The following ALAS1 variants were observed in gnomAD, a reference collection of about 807,000 sequenced individuals.
ALAS1 encodes the protein 5-aminolevulinate synthase, non-specific, mitochondrial.
Under a neutral mutation model 59.6 loss-of-function variants are expected in ALAS1, and 29 were observed. The ratio of observed to expected loss-of-function variants is 0.49; its 90% CI spans 0.36 to 0.66. The LOEUF (loss-of-function observed/expected upper bound fraction) is 0.66. ALAS1 is among the 30% of genes least tolerant of loss of function. The probability of loss-of-function intolerance (pLI) is 0.00; values close to 1 mark genes in which losing one functional copy is unlikely to be tolerated. For synonymous variants in ALAS1, 299 were observed against 296.6 expected (o/e 1.01, Z -0.08); for missense variants, 690 against 807.5 (o/e 0.85, Z 1.76).
intron 3 of ALAS1, 36 bp from the exon 4 acceptor site, chr3:52,202,471 G>A (rs1425250105): frequency 6.5e-7 from 1 of 1,549,352 alleles, no homozygotes; most frequent in Admixed American, 1.7e-5. Flanking sequence ...TGTGCAACCA[G>A]ATCTGATGCT....
intron 9 of ALAS1, 55 bp from the exon 10 acceptor site, chr3:52,211,228 C>A: frequency 6.3e-7 from 1 of 1,588,026 alleles, no homozygotes; most frequent in Non-Finnish European, 8.6e-7. Context: ...CTTGCTGTGT[C>A]CATTTAGAGC....
chr3:52,214,178 T>G lies in ALAS1; in HGVS notation c.1921T>G (p.Ter641GlyextTer2), dbSNP rs781058627. 62 of 1,588,722 alleles carry G rather than the reference T, an allele frequency of 3.9e-5. No individual in the cohort carries two copies. In the East Asian group the frequency reaches 1.4e-3, roughly 36 times the overall value. The change falls in exon 12 of 12, where the codon TGA becomes GGA. Residue 641 changes from the stop codon to glycine, a stop_lost. Coordinates refer to ENST00000484952, the MANE Select transcript of ALAS1 (RefSeq NM_000688.6). ...GLSKLVSAQA[*>G] is the part of the protein sequence containing the mutation. ...GAGCAAGTTGGTATCTGCTCAGGCCTGAGCATGACCTCAATTATTTCACTT... is the reference window on the plus strand; with the variant it reads ...GAGCAAGTTGGTATCTGCTCAGGCCGGAGCATGACCTCAATTATTTCACTT...
chr3:52,198,965 T>TTA, intron 2 of ALAS1, 117 bp downstream of exon 2: 1 of 1,274,292 alleles, frequency 7.8e-7, no homozygotes, highest in Non-Finnish European at 1.1e-6. Flanking sequence ...CTGTCAGTAT[T>TTA]CATTTGGTGA....
Position 52,204,830 on chromosome 3 carries a change from C to T in ALAS1, c.715C>T (p.Leu239Phe). Residue 239 changes from leucine to phenylalanine, a missense_variant, in exon 6 of 12, where the codon CTC becomes TTC. Leu to Phe is a conservative substitution (Grantham distance 22, BLOSUM62 0). Transcript: ENST00000484952. ...FPMADDYSDS[L>F]ITKKQVSVWC... Reference sequence around the variant, plus strand: ...CATGGCAGATGACTATTCAGACTCCCTCATCACCAAAAAGCAAGTGTCAGT... The same window carrying T: ...CATGGCAGATGACTATTCAGACTCCTTCATCACCAAAAAGCAAGTGTCAGT... 5 of 1,614,216 alleles carry T rather than the reference C, an allele frequency of 3.1e-6. No homozygotes were observed. Among genetic ancestry groups the T allele is most frequent in the Non-Finnish European group, 4.2e-6 (5 of 1,180,030 alleles).
At chr3:52,211,605 G>A in intron 10 of ALAS1, 54 bp downstream of exon 10, 1 of 1,595,172 alleles carries the variant, frequency 6.3e-7, no homozygotes. Context: ...TACACATGAT[G>A]TACGGATGTT....
chr3:52,198,245 C>G lies in ALAS1; in HGVS notation c.-220C>G, dbSNP rs1577958014. ...CCTCCTTCGCCGCCGCCTCTGCAGT[C>G]CTCAGCGCAGGTGAGGGCCCGCGCG... On this transcript the variant is annotated 5_prime_UTR_variant, in exon 1 of 12. Coordinates refer to ENST00000484952, the MANE Select transcript of ALAS1 (RefSeq NM_000688.6). The G allele has an allele frequency of 2.5e-6, 1 of 400,820 alleles. No homozygotes were observed. The highest frequency in any genetic ancestry group is 4.4e-6 in the Non-Finnish European group (1 of 227,222). The allele number at this position is 400,820 out of a possible 1,614,324, so 24.8% of individuals were successfully genotyped here.
At chr3:52,209,059 A>AGGGCAGGCTTTTTAAAAAGCGT in intron 9 of ALAS1, among the ~76,000 whole-genome samples, 1 of 152,354 alleles carries the variant, frequency 6.6e-6, no homozygotes, top group Non-Finnish European at 1.5e-5. Context: ...TGGTAAAGGA[A>AGGGCAGGCTTTTTAAAAAGCGT]GGGCAGGCTT....
At chr3:52,202,462 G>C in intron 3 of ALAS1, 45 bp from the exon 4 acceptor site, 3 of 1,489,108 alleles carry the variant, frequency 2.0e-6, no homozygotes, top group Non-Finnish European at 2.8e-6. Flanking sequence ...CTTACATACT[G>C]TGCAACCAGA....
chr3:52,210,074 A>G (rs1699374604), intron 9 of ALAS1, among the ~76,000 whole-genome samples: 1 of 152,232 alleles, frequency 6.6e-6, no homozygotes, highest in Admixed American at 6.5e-5. Flanking sequence ...AATCAATCCT[A>G]ATGCATTAAT....
intron 5 of ALAS1, among the ~76,000 whole-genome samples, chr3:52,204,264 G>A (rs1271290434): frequency 6.6e-6 from 1 of 152,100 alleles, no homozygotes; most frequent in Non-Finnish European, 1.5e-5. Context: ...TGCATCTATA[G>A]TCCCAGCTAC....
At position 52,208,313 on chromosome 3, in the gene ALAS1, T is replaced by C. The variant is rs1041646470; in HGVS notation, c.1330+66T>C. On this transcript the variant is annotated intron_variant, in intron 9 of 11. Transcript: ENST00000484952. ...CCTAACAAGGCCAAGGACTAACTAG[T>C]CTAACTGGGATCAGGTGAGGAGACA... 1.5e-5 allele frequency: 23 copies of C among 1,569,212 alleles called. 1 individual carries two copies. The Middle Eastern group carries it at 6.7e-4, about 46-fold the overall frequency.
chr3:52,202,879 G>T, intron 4 of ALAS1, 145 bp downstream of exon 4: 3 of 780,824 alleles, frequency 3.8e-6, no homozygotes, highest in Non-Finnish European at 6.3e-6. Context: ...AGGTCTTCAA[G>T]ATAGACAGTC....
chr3:52,202,806 T>C (rs753583466), intron 4 of ALAS1, 72 bp downstream of exon 4: 12 of 1,412,266 alleles, frequency 8.5e-6, no homozygotes, highest in Non-Finnish European at 1.2e-5. Context: ...CTCAGATTTG[T>C]GTATGAGCTA....
rs1699284718 is a variant in ALAS1 at position 52,206,017 on chromosome 3, A to G, written c.979A>G (p.Met327Val). ...AACCCTCTTCACCCTGGCTAAGATG[A>G]TGCCAGGTAAGGAAGCCTGGCATGA... ...DSTLFTLAKM[M>V]PGCEIYSDSG... Residue 327 changes from methionine (M) to valine (V), a missense_variant, in exon 7 of 12, where the codon ATG becomes GTG. By Grantham distance (21) the Met-to-Val change is conservative. Transcript: ENST00000484952. 1 of 1,593,564 alleles carries G rather than the reference A, an allele frequency of 6.3e-7. No homozygotes were observed. Among genetic ancestry groups the G allele is most frequent in the Admixed American group, 1.8e-5 (1 of 57,132 alleles).
Position 52,206,767 on chromosome 3 carries a change from G to A in ALAS1, c.1165+16G>A, listed in dbSNP as rs920766482. On this transcript the variant is annotated intron_variant, in intron 8 of 11. Coordinates refer to ENST00000484952, the MANE Select transcript of ALAS1 (RefSeq NM_000688.6). ...TCAATGGATGGTAAGTGTGGATAGA[G>A]GTTCCTCTGAAACCTAAGATGAAAA... 6.2e-7 allele frequency: 1 copy of A among 1,609,570 alleles called. No individual in the cohort carries two copies. The highest frequency in any genetic ancestry group is 2.2e-5 in the East Asian group (1 of 44,802).
chr3:52,202,662 G>A lies in ALAS1; in HGVS notation c.355G>A (p.Gly119Ser), dbSNP rs1257072261. 1 of 1,614,254 alleles carries A rather than the reference G, an allele frequency of 6.2e-7. No individual in the cohort carries two copies. Among genetic ancestry groups the A allele is most frequent in the Non-Finnish European group, 8.5e-7 (1 of 1,180,046 alleles). ...PFLAAQMNQRGSSVFCKASLE... is the reference protein window; with the variant it reads ...PFLAAQMNQRSSSVFCKASLE... Reference sequence around the variant, plus strand: ...CCTGGCAGCACAGATGAATCAGAGAGGCAGCAGTGTCTTCTGCAAAGCCAG... The same window carrying A: ...CCTGGCAGCACAGATGAATCAGAGAAGCAGCAGTGTCTTCTGCAAAGCCAG... The change falls in exon 4 of 12, where the codon GGC (glycine) becomes AGC (serine). Residue 119 changes from glycine to serine, a missense_variant. Transcript: ENST00000484952.
intron 6 of ALAS1, 111 bp downstream of exon 6, chr3:52,205,026 A>G (rs1577965959): frequency 1.1e-6 from 1 of 877,332 alleles, no homozygotes; most frequent in Non-Finnish European, 1.8e-6. Flanking sequence ...AAAGTGTGCC[A>G]TAGCAAAATA....
intron 6 of ALAS1, among the ~76,000 whole-genome samples, chr3:52,205,478 A>G (rs2107271026): frequency 6.6e-6 from 1 of 152,332 alleles, no homozygotes; most frequent in East Asian, 1.9e-4. Flanking sequence ...ACCACCATCC[A>G]GGATGTCCCT....
intron 3 of ALAS1, among the ~76,000 whole-genome samples, chr3:52,201,143 A>G (rs1028052745): frequency 5.9e-5 from 9 of 152,354 alleles, no homozygotes; most frequent in African/African-American, 1.7e-4. Context: ...AAGGCTAGCC[A>G]GTGACTCACA....
Sources: allele counts gnomAD v4.1 joint callset (sites outside exome capture counted in the v4.1 genomes callset), GRCh38; gene constraint gnomAD v4.1.1; transcripts MANE v1.5; gene names NCBI Gene and HGNC (gene_info 2026-07-23, HGNC 2026-07-21).